Variants in RPGRIP1 observed in about 807,000 individuals in gnomAD.
The protein encoded by RPGRIP1 is X-linked retinitis pigmentosa GTPase regulator-interacting protein 1.
In RPGRIP1, 128 loss-of-function variants were observed where a neutral mutation model predicts 157.9. The ratio of observed to expected loss-of-function variants is 0.81; its 90% CI spans 0.70 to 0.94. The LOEUF (loss-of-function observed/expected upper bound fraction) is 0.94. RPGRIP1 is among the 40% of genes least tolerant of loss of function. RPGRIP1 has a pLI of 0.00. For synonymous variants in RPGRIP1, 554 were observed against 571.6 expected, an observed-to-expected ratio of 0.97 and a Z score of 0.44; for missense variants, 1,486 against 1,545.8, an observed-to-expected ratio of 0.96 and a Z score of 0.65.
chr14:21,338,647 C>A (rs553432936), intron 21 of RPGRIP1, among the ~76,000 whole-genome samples: 1 of 152,282 alleles, frequency 6.6e-6, no homozygotes, highest in African/African-American at 2.4e-5. Context: ...CATATATTGT[C>A]ATACTCATAG....
In RPGRIP1 at chr14:21,321,850, T is replaced by G; in HGVS notation, c.1612-4T>G. ...AGAAAAGTTCAGACATTATTTTGTT[T>G]CAGGAGGAACTGGAGGCAATGATGA... is the stretch of plus-strand genomic sequence containing the variant. On this transcript the variant is annotated splice_polypyrimidine_tract_variant and splice_region_variant and intron_variant, in intron 13 of 24. Coordinates refer to ENST00000400017, the MANE Select transcript of RPGRIP1 (RefSeq NM_020366.4). The G allele has an allele frequency of 6.2e-7, 1 of 1,609,500 alleles. No individual in the cohort carries two copies. The highest frequency in any genetic ancestry group is 8.5e-7 in the Non-Finnish European group (1 of 1,178,504).
chr14:21,318,019 G>A (rs1297754228), intron 11 of RPGRIP1, 169 bp downstream of exon 11: 2 of 706,532 alleles, frequency 2.8e-6, no homozygotes, highest in African/African-American at 3.5e-5. Flanking sequence ...CTACAATCAG[G>A]AAAACATGAC....
intron 14 of RPGRIP1, among the ~76,000 whole-genome samples, chr14:21,322,219 G>A (rs561455444): frequency 1.3e-5 from 2 of 152,072 alleles, no homozygotes; most frequent in East Asian, 1.9e-4. Flanking sequence ...GTGCAGTGGT[G>A]CGATCTTGGC....
rs1880686361 is a variant in RPGRIP1, at chr14:21,294,669, G to A, written c.86-8G>A. The A allele has an allele frequency of 1.2e-6, 2 of 1,612,464 alleles. No individual in the cohort carries two copies. The highest frequency in any genetic ancestry group is 1.7e-6 in the Non-Finnish European group (2 of 1,179,292). ...ATACTGTCCATTTACTGTTTTCTGG[G>A]ACTTTAGGTAAGAATATGAAAACTC... On this transcript the variant is annotated splice_polypyrimidine_tract_variant and splice_region_variant and intron_variant, in intron 2 of 24. Coordinates refer to ENST00000400017, the MANE Select transcript of RPGRIP1 (RefSeq NM_020366.4).
chr14:21,343,983 T>G (rs1338492610), intron 22 of RPGRIP1, among the ~76,000 whole-genome samples: 1 of 142,144 alleles, frequency 7.0e-6, no homozygotes, highest in Non-Finnish European at 1.5e-5. Flanking sequence ...CTCAGCCTCC[T>G]GAGTAGCTGG....
At chr14:21,345,240 A>G (rs200494165) in intron 23 of RPGRIP1, 43 bp downstream of exon 23, 2 of 1,437,494 alleles carry the variant, frequency 1.4e-6, no homozygotes, top group Middle Eastern at 1.7e-4. Context: ...AGATATTGAG[A>G]CAGAAATTCA....
Position 21,326,737 on chromosome 14 carries a change from A to G in RPGRIP1, c.2710+564A>G, listed in dbSNP as rs1234902144. ...CTTTACTAAAGGCCTGTTGTTTCTTAGTGCATGACTACATAGATATCTGAT... is the reference window on the plus strand; with the variant it reads ...CTTTACTAAAGGCCTGTTGTTTCTTGGTGCATGACTACATAGATATCTGAT... On this transcript the variant is annotated intron_variant, in intron 17 of 24. Transcript: ENST00000400017. Among the ~76,000 whole-genome samples the G allele has an allele frequency of 4.6e-5, 7 of 152,230 alleles. No individual in the cohort carries two copies. The South Asian group carries it at 1.5e-3, about 32-fold the overall frequency.
Position 21,338,041 on chromosome 14 carries a change from C to T in RPGRIP1, c.3339+3336C>T, listed in dbSNP as rs144504044. Among the ~76,000 whole-genome samples the T allele has an allele frequency of 7.8e-3, 1,184 of 152,226 alleles. 18 individuals are homozygous for T. Among genetic ancestry groups the T allele is most frequent in the African/African-American group, 0.027 (1,139 of 41,540 alleles). On this transcript the variant is annotated intron_variant, in intron 21 of 24. Coordinates refer to ENST00000400017, the MANE Select transcript of RPGRIP1 (RefSeq NM_020366.4). ...AAGCAATTCTCCTGTCTCACCCTCC[C>T]GAGTAGCTGGGACTACAGGCGCACG...
intron 2 of RPGRIP1, among the ~76,000 whole-genome samples, chr14:21,289,110 G>A (rs566987526): frequency 1.3e-5 from 2 of 151,710 alleles, no homozygotes; most frequent in East Asian, 1.9e-4. Context: ...GGCAGATCAC[G>A]AAGTCAGGAG....
chr14:21,337,024 A>G (rs1308155744), intron 21 of RPGRIP1, among the ~76,000 whole-genome samples: 1 of 152,194 alleles, frequency 6.6e-6, no homozygotes, highest in African/African-American at 2.4e-5. Flanking sequence ...TATATATTAA[A>G]TTATTGTTAT....
intron 21 of RPGRIP1, among the ~76,000 whole-genome samples, chr14:21,338,936 C>T (rs1322139182): frequency 1.3e-5 from 2 of 151,428 alleles, no homozygotes; most frequent in East Asian, 2.0e-4. Flanking sequence ...GTCAGGAGTT[C>T]GAGACAAGCC....
intron 14 of RPGRIP1, among the ~76,000 whole-genome samples, chr14:21,322,403 C>T (rs565040131): frequency 3.3e-5 from 5 of 152,312 alleles, no homozygotes; most frequent in Admixed American, 3.3e-4. Context: ...AGGTGATCCA[C>T]CTGCCTCAGC....
At chr14:21,296,598 A>G (rs35777373) in intron 3 of RPGRIP1, among the ~76,000 whole-genome samples, 45,862 of 151,424 alleles carry the variant, frequency 0.3, 7,169 homozygotes, top group Middle Eastern at 0.34. Context: ...TGATCCCCCC[A>G]TCTTGGCCGC....
At chr14:21,300,511 C>G (rs1880977803) in intron 3 of RPGRIP1, among the ~76,000 whole-genome samples, 1 of 151,894 alleles carries the variant, frequency 6.6e-6, no homozygotes, top group Non-Finnish European at 1.5e-5. Context: ...AAGGAGTTAT[C>G]CTTAATTTGG....
At chr14:21,313,155 T>TG (rs35212003) in intron 10 of RPGRIP1, among the ~76,000 whole-genome samples, 35,125 of 151,300 alleles carry the variant, frequency 0.23, 4,340 homozygotes, top group Admixed American at 0.34. Flanking sequence ...TTTGGGGGGC[T>TG]GGGGGGAATC....
intron 1 of RPGRIP1, among the ~76,000 whole-genome samples, chr14:21,283,219 T>G (rs1594367032): frequency 6.6e-6 from 1 of 152,280 alleles, no homozygotes; most frequent in East Asian, 1.9e-4. Flanking sequence ...ACCTTTCCTT[T>G]TCCTTCACAT....
intron 10 of RPGRIP1, among the ~76,000 whole-genome samples, chr14:21,314,231 C>G (rs376632415): frequency 6.6e-6 from 1 of 151,956 alleles, no homozygotes; most frequent in East Asian, 2.0e-4. Flanking sequence ...CACAGCCACA[C>G]GCCACCACAC....
At chr14:21,325,414 G>C in intron 16 of RPGRIP1, 31 bp downstream of exon 16, 1 of 1,551,076 alleles carries the variant, frequency 6.4e-7, no homozygotes, top group Non-Finnish European at 8.7e-7. Context: ...AGGCATCTCA[G>C]AGGAGCCTCA....
chr14:21,338,910 G>A (rs529123016), intron 21 of RPGRIP1, among the ~76,000 whole-genome samples: 19 of 152,232 alleles, frequency 1.2e-4, no homozygotes, highest in East Asian at 1.2e-3. Context: ...AGGTCGAGGC[G>A]GGCGGATCAC....
Sources: allele counts gnomAD v4.1 joint callset (sites outside exome capture counted in the v4.1 genomes callset), GRCh38; gene constraint gnomAD v4.1.1; transcripts MANE v1.5; gene names NCBI Gene and HGNC (gene_info 2026-07-23, HGNC 2026-07-21).